MEMO1: variants seen among roughly 807,000 people sequenced by gnomAD.
MEMO1 encodes mediator of cell motility 1, also known as protein MEMO1.
In MEMO1, 6 loss-of-function variants were observed where a neutral mutation model predicts 45.2. The observed-to-expected ratio is 0.13, with a 90% CI of 0.07 to 0.26. The LOEUF (loss-of-function observed/expected upper bound fraction) is 0.26. Ranked by LOEUF, MEMO1 falls within the 10% of genes least tolerant of loss-of-function variation. The pLI is 1.00. For synonymous variants in MEMO1, 78 were observed against 124.3 expected (o/e 0.63, Z 2.48); for missense variants, 184 against 370.5 (o/e 0.50, Z 4.13).
chr2:31,931,497 A>T (rs1410660506), intron 4 of MEMO1, among the ~76,000 whole-genome samples: 1 of 152,156 alleles, frequency 6.6e-6, no homozygotes, highest in African/African-American at 2.4e-5. Flanking sequence ...TTGTAAGTTC[A>T]CAAGTTTCTT....
intron 2 of MEMO1, among the ~76,000 whole-genome samples, chr2:31,944,551 C>T (rs888746995): frequency 6.6e-6 from 1 of 152,180 alleles, no homozygotes; most frequent in Admixed American, 6.5e-5. Flanking sequence ...CCTCGTATTT[C>T]AACAAATTGT....
In MEMO1 at chr2:31,918,320, T is replaced by TA. The variant is rs564402346; in HGVS notation, c.326-284dup. Reference sequence around the variant, plus strand: ...CATTTGTATATGTTACATAGTTATATAAAAAATGATAATTTAAATTCTTCA... The same window carrying TA: ...CATTTGTATATGTTACATAGTTATATAAAAAAATGATAATTTAAATTCTTCA... On this transcript the variant is annotated intron_variant, in intron 5 of 9. Transcript: ENST00000404530. Among the ~76,000 whole-genome samples the TA allele has an allele frequency of 1.1e-3, 171 of 152,274 alleles. 1 individual carries two copies. The East Asian group carries it at 0.03, about 26-fold the overall frequency.
chr2:31,969,551 A>G (rs566789965), intron 2 of MEMO1, among the ~76,000 whole-genome samples: 1 of 151,036 alleles, frequency 6.6e-6, no homozygotes, highest in African/African-American at 2.4e-5. Flanking sequence ...ATATTTATCT[A>G]TACTTTCTAA....
At chr2:31,937,029 G>A (rs1455380046) in intron 3 of MEMO1, among the ~76,000 whole-genome samples, 1 of 152,192 alleles carries the variant, frequency 6.6e-6, no homozygotes, top group African/African-American at 2.4e-5. Flanking sequence ...AAACTCCTCT[G>A]AACAGATGGG....
At position 31,900,684 on chromosome 2, in the gene MEMO1, T is replaced by TA. The variant is rs530751095; in HGVS notation, c.438-8551dup. Among the ~76,000 whole-genome samples, 590 of 142,084 alleles carry TA rather than the reference T, an allele frequency of 4.2e-3. 3 individuals are homozygous for TA. Among genetic ancestry groups the TA allele is most frequent in the Non-Finnish European group, 6.2e-3 (402 of 64,634 alleles). 93.2% of individuals were successfully genotyped at this position (142,084 alleles called of 152,430 possible). A position where few individuals can be genotyped will look rare whatever the true frequency, so the allele number is the denominator to read the frequency against. ...TCCCAGAACTTAAAGTACAATAATTTAAAAAAAAAAAAAGTTGCTCAACAT... is the reference window on the plus strand; with the variant it reads ...TCCCAGAACTTAAAGTACAATAATTTAAAAAAAAAAAAAAGTTGCTCAACAT... On this transcript the variant is annotated intron_variant, in intron 6 of 9. Coordinates refer to ENST00000404530, the MANE Select transcript of MEMO1 (RefSeq NM_001301833.4).
chr2:31,939,148 T>C (rs1024383167), intron 3 of MEMO1, among the ~76,000 whole-genome samples: 1 of 151,978 alleles, frequency 6.6e-6, no homozygotes, highest in African/African-American at 2.4e-5. Context: ...GGAAAATAAT[T>C]ACTTCTGGAA....
chr2:31,935,718 A>G (rs1447130136), intron 3 of MEMO1, among the ~76,000 whole-genome samples: 1 of 152,192 alleles, frequency 6.6e-6, no homozygotes, highest in East Asian at 1.9e-4. Context: ...TGACAATCAA[A>G]TCACACTACA....
At chr2:31,991,158 C>T (rs140529826) in intron 2 of MEMO1, among the ~76,000 whole-genome samples, 4 of 152,188 alleles carry the variant, frequency 2.6e-5, no homozygotes, top group Non-Finnish European at 4.4e-5. Flanking sequence ...TATGCATAAA[C>T]AATCACTGGA....
rs369377155 is a variant in MEMO1 at position 31,883,203 on chromosome 2, C to T, written c.657+183G>A. 2.6e-4 allele frequency among the ~76,000 whole-genome samples: 39 copies of T among 152,044 alleles called. No homozygotes were observed. In the South Asian group the frequency reaches 3.1e-3, roughly 12 times the overall value. The stretch of plus-strand genomic sequence containing the variant: ...CATTAATCAAACAAAATTATGATGA[C>T]GGAAATTCCTACTAGAATAGGGATT... On this transcript the variant is annotated intron_variant, in intron 8 of 9. Transcript: ENST00000404530.
At chr2:31,957,142 CAA>C (rs754542523) in intron 2 of MEMO1, among the ~76,000 whole-genome samples, 38 of 77,632 alleles carry the variant, frequency 4.9e-4, no homozygotes, top group Admixed American at 5.4e-4. Flanking sequence ...AACTCCGTCT[CAA>C]AAAAAAAAAA....
Position 32,010,268 on chromosome 2 carries a change from T to C in MEMO1, c.-17-4A>G, listed in dbSNP as rs772805413. On this transcript the variant is annotated splice_polypyrimidine_tract_variant and splice_region_variant and intron_variant, in intron 1 of 9. Transcript: ENST00000404530. ...GACATCTTGGTGCCTGTGCCGCCTA[T>C]GGTGCACGAGGATGAATGAGGAGGC... The C allele has an allele frequency of 2.0e-5, 30 of 1,463,522 alleles. No individual in the cohort carries two copies. Among genetic ancestry groups the C allele is most frequent in the Non-Finnish European group, 1.8e-5 (20 of 1,086,918 alleles). The allele number at this position is 1,463,522 out of a possible 1,614,324, so 90.7% of individuals were successfully genotyped here. A position where few individuals can be genotyped will look rare whatever the true frequency, so the allele number is the denominator to read the frequency against.
intron 2 of MEMO1, among the ~76,000 whole-genome samples, chr2:31,962,440 C>G (rs1298270124): frequency 6.6e-6 from 1 of 152,030 alleles, no homozygotes; most frequent in Non-Finnish European, 1.5e-5. Flanking sequence ...CTATAAACCA[C>G]GTGTATCCAT....
chr2:31,885,667 A>G (rs1676087933), intron 7 of MEMO1, among the ~76,000 whole-genome samples: 10 of 152,178 alleles, frequency 6.6e-5, no homozygotes, highest in Admixed American at 6.5e-4. Flanking sequence ...ATACACCTCA[A>G]TTCTTTGAAC....
intron 2 of MEMO1, among the ~76,000 whole-genome samples, chr2:31,966,190 C>T (rs537347099): frequency 1.3e-5 from 2 of 152,146 alleles, no homozygotes; most frequent in Non-Finnish European, 2.9e-5. Context: ...ATGCAGTTAG[C>T]GCCTCTTTCC....
chr2:31,933,358 TA>T (rs1558514455), intron 3 of MEMO1, among the ~76,000 whole-genome samples: 4 of 29,358 alleles, frequency 1.4e-4, no homozygotes, highest in Non-Finnish European at 2.1e-4. Context: ...AATTTATATA[TA>T]TATATATATA....
chr2:31,895,477 G>A (rs528854563), intron 6 of MEMO1, among the ~76,000 whole-genome samples: 18 of 152,184 alleles, frequency 1.2e-4, no homozygotes, highest in South Asian at 1.0e-3. Flanking sequence ...AATAGTAACC[G>A]AAATAAAAAA....
At chr2:31,932,284 T>C in intron 3 of MEMO1, 149 bp from the exon 4 acceptor site, 1 of 610,382 alleles carries the variant, frequency 1.6e-6, no homozygotes, top group Non-Finnish European at 2.9e-6. Flanking sequence ...ATGATGTGAC[T>C]TCTAGAAGAA....
intron 3 of MEMO1, among the ~76,000 whole-genome samples, chr2:31,933,344 A>ATATAT (rs1664462781): frequency 5.6e-5 from 2 of 35,402 alleles, no homozygotes; most frequent in Admixed American, 4.6e-4. Context: ...AAAAAAAAAA[A>ATATAT]AAAAATTTAT....
intron 2 of MEMO1, among the ~76,000 whole-genome samples, chr2:31,978,434 A>G (rs1670260645): frequency 1.3e-5 from 2 of 152,220 alleles, no homozygotes; most frequent in Admixed American, 6.5e-5. Flanking sequence ...TGCCTGGCAT[A>G]TAGTAAAGGT....
Sources: allele counts gnomAD v4.1 joint callset (sites outside exome capture counted in the v4.1 genomes callset), GRCh38; gene constraint gnomAD v4.1.1; transcripts MANE v1.5; gene names NCBI Gene and HGNC (gene_info 2026-07-23, HGNC 2026-07-21).